The following POLR3C variants were observed in gnomAD, a reference collection of about 807,000 sequenced individuals.
The protein encoded by POLR3C is RNA polymerase III subunit C, also known as DNA-directed RNA polymerase III subunit RPC3.
A neutral mutation model predicts 65.9 loss-of-function variants in POLR3C; 44 were observed. The ratio of observed to expected loss-of-function variants is 0.67; its 90% CI spans 0.52 to 0.86. The LOEUF (loss-of-function observed/expected upper bound fraction) is 0.86. POLR3C is among the 40% of genes least tolerant of loss of function. The pLI, the probability that POLR3C is intolerant of heterozygous loss-of-function variation, is 0.00. For synonymous variants in POLR3C, 263 were observed against 231.6 expected, an observed-to-expected ratio of 1.14 and a Z score of -1.23; for missense variants, 576 against 653.2, an observed-to-expected ratio of 0.88 and a Z score of 1.29.
At position 145,843,399 on chromosome 1, in the gene POLR3C, C is replaced by A. The variant is rs1652436187; in HGVS notation, c.*979C>A. 6.6e-6 allele frequency among the ~76,000 whole-genome samples: 1 copy of A among 152,158 alleles called. No homozygotes were observed. Among genetic ancestry groups the A allele is most frequent in the African/African-American group, 2.4e-5 (1 of 41,426 alleles). On this transcript the variant is annotated 3_prime_UTR_variant, in exon 15 of 15. Coordinates refer to ENST00000334163, the MANE Select transcript of POLR3C (RefSeq NM_006468.8). Reference sequence around the variant, plus strand: ...GATGTTTTATAATATCTTCAGTTTTCTCTCACCAATGTGTTTTCTAATTGT... The same window carrying A: ...GATGTTTTATAATATCTTCAGTTTTATCTCACCAATGTGTTTTCTAATTGT...
Position 145,843,066 on chromosome 1 carries a change from G to T in POLR3C, c.*646G>T, listed in dbSNP as rs1193079144. ...TGAACTGTAATTTTTAACACACACAGTGTAGGGAATGTGAAAGACTATCAC... is the reference window on the plus strand; with the variant it reads ...TGAACTGTAATTTTTAACACACACATTGTAGGGAATGTGAAAGACTATCAC... On this transcript the variant is annotated 3_prime_UTR_variant, in exon 15 of 15. Transcript: ENST00000334163. Among the ~76,000 whole-genome samples, 1 of 152,062 alleles carries T rather than the reference G, an allele frequency of 6.6e-6. No homozygotes were observed. The highest frequency in any genetic ancestry group is 6.6e-5 in the Admixed American group (1 of 15,264).
At chr1:145,833,804 C>T (rs587594051) in intron 7 of POLR3C, among the ~76,000 whole-genome samples, 9 of 152,266 alleles carry the variant, frequency 5.9e-5, no homozygotes, top group African/African-American at 2.2e-4. Context: ...AGTATCTATT[C>T]GTCAAGTACA....
At chr1:145,825,421 A>G (rs1403767821) in intron 1 of POLR3C, among the ~76,000 whole-genome samples, 1 of 152,044 alleles carries the variant, frequency 6.6e-6, no homozygotes, top group Non-Finnish European at 1.5e-5. Context: ...ATTATGAATA[A>G]TTTTCTACAT....
At position 145,843,460 on chromosome 1, in the gene POLR3C, A is replaced by C. The variant is rs1176285937; in HGVS notation, c.*1040A>C. On this transcript the variant is annotated 3_prime_UTR_variant, in exon 15 of 15. Transcript: ENST00000334163. ...GAGTGTCAAACAATTGCCAGCCACC[A>C]TACTAAACACAACATACAAGGATAG... Among the ~76,000 whole-genome samples the C allele has an allele frequency of 6.6e-6, 1 of 152,212 alleles. No individual in the cohort carries two copies. Among genetic ancestry groups the C allele is most frequent in the African/African-American group, 2.4e-5 (1 of 41,450 alleles).
chr1:145,825,679 T>TA, intron 1 of POLR3C, 78 bp from the exon 2 acceptor site: 1 of 798,780 alleles, frequency 1.3e-6, no homozygotes, highest in Non-Finnish European at 1.9e-6. Context: ...CCAGAAAGAA[T>TA]ACATGAATTT....
At chr1:145,831,218 A>G (rs1462234562) in intron 5 of POLR3C, among the ~76,000 whole-genome samples, 1 of 152,196 alleles carries the variant, frequency 6.6e-6, no homozygotes, top group Non-Finnish European at 1.5e-5. Flanking sequence ...TCTGGAGCAT[A>G]ATAGAGAGTT....
At chr1:145,829,965 G>A (rs1000431646) in intron 5 of POLR3C, among the ~76,000 whole-genome samples, 14 of 152,112 alleles carry the variant, frequency 9.2e-5, no homozygotes, top group Non-Finnish European at 1.5e-4. Context: ...GTACATGTTT[G>A]TCTAAGAGGT....
intron 7 of POLR3C, among the ~76,000 whole-genome samples, chr1:145,835,855 C>A (rs1188872258): frequency 6.6e-6 from 1 of 152,106 alleles, no homozygotes; most frequent in Non-Finnish European, 1.5e-5. Context: ...ATTACAAAGT[C>A]GTGATCCACC....
chr1:145,839,174 G>A (rs1559152409), intron 11 of POLR3C, among the ~76,000 whole-genome samples: 1 of 152,164 alleles, frequency 6.6e-6, no homozygotes, highest in Non-Finnish European at 1.5e-5. Flanking sequence ...AGGAGGCTGA[G>A]GAAGGAGAAT....
intron 7 of POLR3C, among the ~76,000 whole-genome samples, chr1:145,835,961 C>G (rs782272312): frequency 6.6e-6 from 1 of 152,078 alleles, no homozygotes; most frequent in Non-Finnish European, 1.5e-5. Context: ...ATTTGTCTCA[C>G]TCTTCATAAT....
In POLR3C at chr1:145,837,583, G is replaced by A. The variant is rs782763121; in HGVS notation, c.1057G>A (p.Val353Ile). Residue 353 changes from valine to isoleucine, a missense_variant, in exon 10 of 15, where the codon GTC becomes ATC. By Grantham distance (29) the Val-to-Ile change is conservative. Coordinates refer to ENST00000334163, the MANE Select transcript of POLR3C (RefSeq NM_006468.8). ...ASLATATLES[V>I]VQERFGSRCA... ...CCTAGCCACAGCCACTCTGGAGTCC[G>A]TCGTACAGGAGAGGTAAGGGGGACA... The A allele has an allele frequency of 4.4e-6, 7 of 1,606,180 alleles. No individual in the cohort carries two copies. The highest frequency in any genetic ancestry group is 3.3e-5 in the South Asian group (3 of 90,402).
At chr1:145,825,273 T>C (rs759866374) in intron 1 of POLR3C, among the ~76,000 whole-genome samples, 16 of 152,098 alleles carry the variant, frequency 1.1e-4, no homozygotes, top group Non-Finnish European at 1.6e-4. Context: ...CACGCCCAGC[T>C]AATTTTTTTG....
chr1:145,833,095 T>G (rs1651470634), intron 5 of POLR3C, among the ~76,000 whole-genome samples, 165 bp from the exon 6 acceptor site: 1 of 152,322 alleles, frequency 6.6e-6, no homozygotes, highest in Non-Finnish European at 1.5e-5. Context: ...AAAACCTGTT[T>G]GAAGTCGGAA....
At chr1:145,839,068 C>T (rs1553729672) in intron 11 of POLR3C, among the ~76,000 whole-genome samples, 4 of 152,034 alleles carry the variant, frequency 2.6e-5, no homozygotes, top group South Asian at 4.2e-4. Flanking sequence ...GTCAGGAATT[C>T]GAGAATAGCC....
chr1:145,841,549 T>A (rs1287144256), intron 14 of POLR3C, among the ~76,000 whole-genome samples: 2 of 152,248 alleles, frequency 1.3e-5, no homozygotes, highest in African/African-American at 4.8e-5. Flanking sequence ...TTCATTAAAT[T>A]TATTTCTTAA....
chr1:145,829,386 CA>C (rs1237673748), intron 5 of POLR3C, among the ~76,000 whole-genome samples: 2 of 152,208 alleles, frequency 1.3e-5, no homozygotes, highest in Admixed American at 1.3e-4. Flanking sequence ...CACAGTAAAA[CA>C]TATCAGCCCA....
intron 5 of POLR3C, among the ~76,000 whole-genome samples, chr1:145,830,920 A>G (rs1489974241): frequency 7.9e-5 from 12 of 151,888 alleles, no homozygotes; most frequent in Non-Finnish European, 1.0e-4. Flanking sequence ...CCTGGACAAC[A>G]TAGTGAGACC....
chr1:145,839,003 G>A (rs1553729654), intron 11 of POLR3C, among the ~76,000 whole-genome samples: 1 of 152,176 alleles, frequency 6.6e-6, no homozygotes, highest in African/African-American at 2.4e-5. Context: ...AGGTGCGGTG[G>A]CTCATGCCTG....
chr1:145,839,217 G>C (rs1652095441), intron 11 of POLR3C, among the ~76,000 whole-genome samples: 1 of 152,188 alleles, frequency 6.6e-6, no homozygotes, highest in South Asian at 2.1e-4. Context: ...GTTGCAGTGA[G>C]CCAACATTGT....
Sources: gnomAD v4.1 joint callset for allele counts (sites outside exome capture counted in the v4.1 genomes callset) on GRCh38, gnomAD v4.1.1 for gene constraint, MANE v1.5 for transcripts, NCBI Gene and HGNC (gene_info 2026-07-23, HGNC 2026-07-21) for gene names.